MAPKBP1: variants seen among roughly 807,000 people sequenced by gnomAD.
MAPKBP1 encodes the protein mitogen-activated protein kinase binding protein 1.
In MAPKBP1, 71 loss-of-function variants were observed where a neutral mutation model predicts 170.5. That is an observed-to-expected ratio of 0.42 (90% CI 0.34 to 0.51). MAPKBP1 has a LOEUF of 0.51. Ranked by LOEUF, MAPKBP1 falls within the 20% of genes least tolerant of loss-of-function variation. The pLI, the probability that MAPKBP1 is intolerant of heterozygous loss-of-function variation, is 0.06. For missense variants in MAPKBP1, 1,598 were observed against 1,933.0 expected (o/e 0.83, Z 3.25); for synonymous variants, 719 against 757.9 (o/e 0.95, Z 0.84).
At chr15:41,812,733 T>C in intron 7 of MAPKBP1, 80 bp downstream of exon 7, 3 of 1,511,380 alleles carry the variant, frequency 2.0e-6, no homozygotes, top group Admixed American at 2.3e-5. Context: ...TCTGCCCCAC[T>C]TGGGCCTCTC....
At chr15:41,808,087 A>T in intron 3 of MAPKBP1, among the ~76,000 whole-genome samples, 1 of 146,644 alleles carries the variant, frequency 6.8e-6, no homozygotes, top group Admixed American at 7.0e-5. Flanking sequence ...GAACTCTTAT[A>T]ATTTTCTTTC....
rs2064984730 is a variant in MAPKBP1 at position 41,820,909 on chromosome 15, G to T, written c.2559G>T (p.Gln853His). The T allele has an allele frequency of 3.7e-6, 6 of 1,614,086 alleles. No homozygotes were observed. The Admixed American group carries it at 1.0e-4, about 27-fold the overall frequency. The change falls in exon 23 of 31, where the codon CAG (glutamine) becomes CAT (histidine). Residue 853 changes from glutamine (Q) to histidine (H), a missense_variant. Gln to His is a conservative substitution (Grantham distance 24). Transcript: ENST00000457542. ...PGPRRRGRWV[Q>H]PGVELSVRSM... The stretch of plus-strand genomic sequence containing the variant: ...CCAGAAGAAGAGGGCGCTGGGTTCA[G>T]CCAGGTGTGGAACTGAGCGTTAGAT...
intron 1 of MAPKBP1, chr15:41,774,922 G>T: frequency 2.2e-6 from 1 of 465,044 alleles, no homozygotes; most frequent in South Asian, 4.9e-5. Flanking sequence ...AGACCAACTG[G>T]GGCCCATCCC....
chr15:41,802,699 A>C (rs1418435896), intron 3 of MAPKBP1, among the ~76,000 whole-genome samples: 2 of 152,120 alleles, frequency 1.3e-5, no homozygotes, highest in Non-Finnish European at 1.5e-5. Flanking sequence ...GTCTTGAACT[A>C]ATGACCTCAA....
chr15:41,795,788 T>G (rs1333873693), intron 2 of MAPKBP1, among the ~76,000 whole-genome samples: 1 of 152,118 alleles, frequency 6.6e-6, no homozygotes, highest in African/African-American at 2.4e-5. Context: ...TTTTTGTATT[T>G]TTATTAGAGA....
At chr15:41,819,554 G>GGGGGGGGGGAGGGGT in intron 21 of MAPKBP1, 41 bp from the exon 22 acceptor site, 1 of 1,495,298 alleles carries the variant, frequency 6.7e-7, no homozygotes. Flanking sequence ...TGGCGGGGGG[G>GGGGGGGGGGAGGGGT]GGGCAGGAGA....
chr15:41,806,838 G>C (rs2064705388), intron 3 of MAPKBP1, among the ~76,000 whole-genome samples: 1 of 152,156 alleles, frequency 6.6e-6, no homozygotes, highest in Non-Finnish European at 1.5e-5. Flanking sequence ...GCTGACCTAG[G>C]AGCTTGCTCA....
chr15:41,821,043 C>G lies in MAPKBP1; in HGVS notation c.2693C>G (p.Ala898Gly). The change falls in exon 23 of 31, where the codon GCC becomes GGC. Residue 898 changes from alanine to glycine, a missense_variant. Ala to Gly is a moderately conservative substitution (Grantham distance 60). Transcript: ENST00000457542. Reference protein sequence around the residue: ...PSGPRKHGQEALETSLTSQNE... With the variant: ...PSGPRKHGQEGLETSLTSQNE... ...GGTCCCAGGAAGCATGGGCAGGAGG[C>G]CCTTGAGACTTCACTCACTAGCCAG... is the stretch of plus-strand genomic sequence containing the variant. 6.2e-7 allele frequency: 1 copy of G among 1,614,110 alleles called. No individual in the cohort carries two copies. Among genetic ancestry groups the G allele is most frequent in the Non-Finnish European group, 8.5e-7 (1 of 1,180,002 alleles).
Position 41,786,777 on chromosome 15 carries a change from A to AAAAAAATAT in MAPKBP1, c.114+11389_114+11390insAAAAATATA. On this transcript the variant is annotated intron_variant, in intron 2 of 30. Transcript: ENST00000457542. ...CAGACTCCGTCTAAAAAAAAAAAAA[A>AAAAAAATAT]ATATATATATATATATATATATATA... is the stretch of plus-strand genomic sequence containing the variant. Among the ~76,000 whole-genome samples the AAAAAAATAT allele has an allele frequency of 3.9e-3, 125 of 32,438 alleles. 12 individuals are homozygous for AAAAAAATAT. The highest frequency in any genetic ancestry group is 0.015 in the African/African-American group (112 of 7,622). The allele number at this position is 32,438 out of a possible 152,430, so 21.3% of individuals were successfully genotyped here.
At chr15:41,819,061 C>G in intron 20 of MAPKBP1, 104 bp downstream of exon 20, 2 of 1,529,626 alleles carry the variant, frequency 1.3e-6, no homozygotes, top group African/African-American at 1.4e-5. Context: ...GCAACTCTGT[C>G]TCCCAAGACC....
chr15:41,788,379 G>A (rs988969849), intron 2 of MAPKBP1, among the ~76,000 whole-genome samples: 30 of 152,206 alleles, frequency 2.0e-4, no homozygotes, highest in African/African-American at 7.0e-4. Context: ...CTGCCCTCCA[G>A]GAGTGTGTAG....
intron 3 of MAPKBP1, among the ~76,000 whole-genome samples, chr15:41,808,137 C>T (rs1350436388): frequency 6.8e-5 from 9 of 131,578 alleles, no homozygotes; most frequent in South Asian, 2.5e-4. Flanking sequence ...GACCTAGTCT[C>T]GCTCTGTCAC....
At chr15:41,819,165 C>T in intron 20 of MAPKBP1, 81 bp from the exon 21 acceptor site, 1 of 1,547,138 alleles carries the variant, frequency 6.5e-7, no homozygotes, top group Non-Finnish European at 8.8e-7. Flanking sequence ...CATTGAGTCT[C>T]CTCTTCCTTC....
At chr15:41,790,514 T>C (rs971584071) in intron 2 of MAPKBP1, among the ~76,000 whole-genome samples, 1 of 152,198 alleles carries the variant, frequency 6.6e-6, no homozygotes, top group African/African-American at 2.4e-5. Context: ...GGCTAGCGGC[T>C]TTGTCAGGTT....
chr15:41,807,169 A>C (rs1250937934), intron 3 of MAPKBP1, among the ~76,000 whole-genome samples: 1 of 152,074 alleles, frequency 6.6e-6, no homozygotes, highest in Non-Finnish European at 1.5e-5. Flanking sequence ...GAGGAGGGAG[A>C]AATTGCCTCA....
chr15:41,817,125 G>T lies in MAPKBP1; in HGVS notation c.1711+90G>T, dbSNP rs1222141017. On this transcript the variant is annotated intron_variant, in intron 14 of 30. Coordinates refer to ENST00000457542, the MANE Select transcript of MAPKBP1 (RefSeq NM_014994.3). The surrounding 1 kb of genome is among the most constrained non-coding windows in gnomAD (Gnocchi z 4.2). Reference sequence around the variant, plus strand: ...TCCATGAGAAGGGTCTGCCCATTGTGGGGGAGTGTTGGACAGCAGCTGGGA... The same window carrying T: ...TCCATGAGAAGGGTCTGCCCATTGTTGGGGAGTGTTGGACAGCAGCTGGGA... 3.1e-5 allele frequency: 47 copies of T among 1,518,186 alleles called. 1 individual carries two copies. The East Asian group carries it at 5.5e-4, about 18-fold the overall frequency. 94.0% of individuals were successfully genotyped at this position (1,518,186 alleles called of 1,614,324 possible). A position where few individuals can be genotyped will look rare whatever the true frequency, so the allele number is the denominator to read the frequency against.
At chr15:41,808,696 G>A (rs2064749392) in intron 3 of MAPKBP1, among the ~76,000 whole-genome samples, 1 of 151,276 alleles carries the variant, frequency 6.6e-6, no homozygotes, top group Non-Finnish European at 1.5e-5. Flanking sequence ...GCCTGATCTC[G>A]AACTCCTGAC....
intron 2 of MAPKBP1, among the ~76,000 whole-genome samples, chr15:41,781,970 C>T (rs563724891): frequency 1.5e-4 from 23 of 151,762 alleles, no homozygotes; most frequent in African/African-American, 4.1e-4. Context: ...AAATACAGGC[C>T]GGGCGCAGTG....
intron 4 of MAPKBP1, 115 bp from the exon 5 acceptor site, chr15:41,811,063 G>A: frequency 6.5e-7 from 1 of 1,528,164 alleles, no homozygotes; most frequent in South Asian, 1.1e-5. Flanking sequence ...AGCCAGATGG[G>A]GAAGTGCCAC....
Sources: allele counts gnomAD v4.1 joint callset (sites outside exome capture counted in the v4.1 genomes callset), GRCh38; gene constraint gnomAD v4.1.1; non-coding constraint Gnocchi (gnomAD v3.1); transcripts MANE v1.5; gene names NCBI Gene and HGNC (gene_info 2026-07-23, HGNC 2026-07-21).